The following FGGY variants were observed in gnomAD, a reference collection of about 807,000 sequenced individuals.
FGGY encodes FGGY carbohydrate kinase domain containing.
FGGY carries 72 observed loss-of-function variants against 71.3 expected under a neutral mutation model. The ratio of observed to expected loss-of-function variants is 1.01; its 90% CI spans 0.84 to 1.23. The LOEUF (loss-of-function observed/expected upper bound fraction) is 1.23, where lower values mean the gene tolerates loss of function less well. Ranked by LOEUF, FGGY falls within the 50% of genes most tolerant of loss-of-function variation. FGGY has a pLI of 0.00. For missense variants in FGGY, 668 were observed against 682.3 expected, an observed-to-expected ratio of 0.98 and a Z score of 0.23; for synonymous variants, 251 against 250.3, an observed-to-expected ratio of 1.00 and a Z score of -0.02.
chr1:59,348,309 C>T (rs914752043), intron 4 of FGGY, among the ~76,000 whole-genome samples: 1 of 152,248 alleles, frequency 6.6e-6, no homozygotes, highest in African/African-American at 2.4e-5. Context: ...AATATTTGGC[C>T]TTGTTGACAT....
At chr1:59,587,133 G>C (rs2096310071) in intron 8 of FGGY, among the ~76,000 whole-genome samples, 1 of 152,232 alleles carries the variant, frequency 6.6e-6, no homozygotes, top group Admixed American at 6.5e-5. Context: ...TGGCACACCA[G>C]GAGATTATAT....
rs142511459 is a variant in FGGY at position 59,673,490 on chromosome 1, T to G, written c.1418-549T>G. Among the ~76,000 whole-genome samples the G allele has an allele frequency of 2.0e-3, 310 of 152,260 alleles. 2 individuals carry two copies. Among genetic ancestry groups the G allele is most frequent in the African/African-American group, 7.3e-3 (303 of 41,552 alleles). On this transcript the variant is annotated intron_variant, in intron 13 of 15. Coordinates refer to ENST00000303721, the MANE Select transcript of FGGY (RefSeq NM_018291.5). ...GCCAGATCTGGGAGGGAGAGCCCCTTGTCAGCCACTGTAAGGGCTGTGGCA... is the reference window on the plus strand; with the variant it reads ...GCCAGATCTGGGAGGGAGAGCCCCTGGTCAGCCACTGTAAGGGCTGTGGCA...
intron 8 of FGGY, among the ~76,000 whole-genome samples, chr1:59,591,496 A>C (rs1327680093): frequency 3.4e-5 from 5 of 148,786 alleles, no homozygotes; most frequent in African/African-American, 1.2e-4. Flanking sequence ...ATCCTAAGCC[A>C]AAAGAACAAA....
chr1:59,490,015 T>C (rs1279234803), intron 6 of FGGY, among the ~76,000 whole-genome samples: 1 of 152,202 alleles, frequency 6.6e-6, no homozygotes, highest in African/African-American at 2.4e-5. Context: ...ATATGTCTTC[T>C]TTTGAGAAAT....
rs113576539 is a variant in FGGY at position 59,700,103 on chromosome 1, A to G, written c.1512+25970A>G. ...ACAAACACATTAAAATTCTTCGATT[A>G]TATAAAAACTGACAAACAAGTCTTA... On this transcript the variant is annotated intron_variant, in intron 14 of 15. Transcript: ENST00000303721. Among the ~76,000 whole-genome samples, 237 of 152,348 alleles carry G rather than the reference A, an allele frequency of 1.6e-3. 1 individual carries two copies. The highest frequency in any genetic ancestry group is 5.5e-3 in the African/African-American group (227 of 41,592).
intron 5 of FGGY, among the ~76,000 whole-genome samples, chr1:59,400,069 T>TTA (rs1018880098): frequency 3.3e-5 from 5 of 152,188 alleles, no homozygotes; most frequent in African/African-American, 4.8e-5. Flanking sequence ...GGAGTCAGCA[T>TTA]TATATATATT....
At chr1:59,460,063 C>A (rs2092046285) in intron 6 of FGGY, among the ~76,000 whole-genome samples, 1 of 152,068 alleles carries the variant, frequency 6.6e-6, no homozygotes. Context: ...GAGACAGTTT[C>A]TTGAGTGGAG....
intron 8 of FGGY, among the ~76,000 whole-genome samples, chr1:59,588,533 CAGAG>C (rs2096359330): frequency 1.3e-5 from 2 of 152,090 alleles, no homozygotes; most frequent in African/African-American, 4.8e-5. Context: ...TAAGGGCAGC[CAGAG>C]AGAAAGGGCG....
intron 14 of FGGY, among the ~76,000 whole-genome samples, chr1:59,707,415 A>G (rs1234404100): frequency 6.6e-6 from 1 of 152,150 alleles, no homozygotes; most frequent in Non-Finnish European, 1.5e-5. Context: ...GGAGAGAGGG[A>G]TGACTGTGTT....
chr1:59,536,879 C>T (rs1482890072), intron 7 of FGGY, among the ~76,000 whole-genome samples: 1 of 152,098 alleles, frequency 6.6e-6, no homozygotes, highest in Non-Finnish European at 1.5e-5. Context: ...GACAAACCCA[C>T]AGCCAATATC....
intron 4 of FGGY, among the ~76,000 whole-genome samples, chr1:59,368,844 C>A (rs2057030232): frequency 6.6e-6 from 1 of 152,018 alleles, no homozygotes; most frequent in South Asian, 2.1e-4. Context: ...GTAATACCAG[C>A]ACTTTGGGAG....
chr1:59,651,658 G>A (rs1253789275), intron 11 of FGGY, among the ~76,000 whole-genome samples: 1 of 150,844 alleles, frequency 6.6e-6, no homozygotes, highest in Non-Finnish European at 1.5e-5. Flanking sequence ...CTGCACGTGA[G>A]ATGGGTCTCC....
chr1:59,655,491 T>C (rs550872775), intron 11 of FGGY, among the ~76,000 whole-genome samples: 1 of 145,686 alleles, frequency 6.9e-6, no homozygotes, highest in South Asian at 2.5e-4. Context: ...TGTGTTCTCA[T>C]TGTTCAACTC....
At chr1:59,427,114 A>C (rs1024045926) in intron 5 of FGGY, among the ~76,000 whole-genome samples, 1 of 152,194 alleles carries the variant, frequency 6.6e-6, no homozygotes, top group Admixed American at 6.5e-5. Context: ...AAAGGTTTTC[A>C]ATTCTCCCTT....
At chr1:59,330,318 G>C (rs185277283) in intron 2 of FGGY, among the ~76,000 whole-genome samples, 1 of 151,998 alleles carries the variant, frequency 6.6e-6, no homozygotes, top group Admixed American at 6.6e-5. Flanking sequence ...AAAAGAAATT[G>C]AGAGCACTTT....
chr1:59,613,341 A>T (rs1185943454), intron 9 of FGGY, among the ~76,000 whole-genome samples: 1 of 151,796 alleles, frequency 6.6e-6, no homozygotes, highest in Non-Finnish European at 1.5e-5. Flanking sequence ...GGTTTCAGAA[A>T]CTCACTCAAA....
At chr1:59,716,405 C>A (rs2097846243) in intron 14 of FGGY, among the ~76,000 whole-genome samples, 1 of 152,176 alleles carries the variant, frequency 6.6e-6, no homozygotes, top group Non-Finnish European at 1.5e-5. Context: ...GTCTATCCAA[C>A]AACTCTATGA....
At chr1:59,760,839 A>G (rs1326725366) in intron 15 of FGGY, among the ~76,000 whole-genome samples, 3 of 152,218 alleles carry the variant, frequency 2.0e-5, no homozygotes, top group Admixed American at 1.3e-4. Context: ...TTGAGATTCT[A>G]AAGTCAAGAA....
At chr1:59,617,890 A>G (rs1024003660) in intron 9 of FGGY, among the ~76,000 whole-genome samples, 8 of 152,102 alleles carry the variant, frequency 5.3e-5, no homozygotes, top group African/African-American at 1.9e-4. Flanking sequence ...GGATGTGTAC[A>G]TTGTGAGTGT....
Sources: allele counts gnomAD v4.1 joint callset (sites outside exome capture counted in the v4.1 genomes callset), GRCh38; gene constraint gnomAD v4.1.1; transcripts MANE v1.5; gene names NCBI Gene and HGNC (gene_info 2026-07-23, HGNC 2026-07-21).